Variants in DLG2 observed in about 807,000 individuals in gnomAD.
DLG2 encodes disks large homolog 2.
DLG2 carries 45 observed loss-of-function variants against 132.5 expected under a neutral mutation model. The ratio of observed to expected loss-of-function variants is 0.34; its 90% CI spans 0.27 to 0.44. DLG2 has a LOEUF of 0.44. Ranked by LOEUF, DLG2 falls within the 20% of genes least tolerant of loss-of-function variation. The probability of loss-of-function intolerance (pLI) is 1.00; values close to 1 mark genes in which losing one functional copy is unlikely to be tolerated. For missense variants in DLG2, 1,045 were observed against 1,196.9 expected (o/e 0.87, Z 1.87); for synonymous variants, 424 against 419.6 (o/e 1.01, Z -0.13).
At chr11:84,358,267 A>G (rs1424924120) in intron 7 of DLG2, among the ~76,000 whole-genome samples, 1 of 151,792 alleles carries the variant, frequency 6.6e-6, no homozygotes, top group African/African-American at 2.4e-5. Flanking sequence ...CCTCATTAAG[A>G]CTTGGCATTG....
chr11:85,264,172 A>G (rs1368123800), intron 4 of DLG2, among the ~76,000 whole-genome samples: 1 of 151,774 alleles, frequency 6.6e-6, no homozygotes, highest in African/African-American at 2.4e-5. Flanking sequence ...TCTTATTAGG[A>G]CTCCACAGAG....
At chr11:85,136,921 T>C (rs2076175277) in intron 5 of DLG2, among the ~76,000 whole-genome samples, 3 of 152,144 alleles carry the variant, frequency 2.0e-5, no homozygotes, top group Non-Finnish European at 4.4e-5. Context: ...TATTTTTTGA[T>C]AGTTTTTAAA....
In DLG2 at chr11:84,805,543, C is replaced by T. The variant is rs138124150; in HGVS notation, c.358-270812G>A. Among the ~76,000 whole-genome samples, 335 of 152,292 alleles carry T rather than the reference C, an allele frequency of 2.2e-3. 1 individual carries two copies. Among genetic ancestry groups the T allele is most frequent in the African/African-American group, 7.7e-3 (320 of 41,560 alleles). ...TTTCTTATGAATGACTTAGCACCATCTCTTTGGTGCTGTTCTCATGATAAA... is the reference window on the plus strand; with the variant it reads ...TTTCTTATGAATGACTTAGCACCATTTCTTTGGTGCTGTTCTCATGATAAA... On this transcript the variant is annotated intron_variant, in intron 6 of 27. Coordinates refer to ENST00000376104, the MANE Select transcript of DLG2 (RefSeq NM_001142699.3).
At chr11:85,345,241 T>C (rs748448998) in intron 3 of DLG2, among the ~76,000 whole-genome samples, 40 of 152,148 alleles carry the variant, frequency 2.6e-4, no homozygotes, top group Non-Finnish European at 4.1e-4. Context: ...CTTAGAAAGA[T>C]ATTTACAGTA....
intron 7 of DLG2, among the ~76,000 whole-genome samples, chr11:84,525,596 A>C (rs930427100): frequency 3.9e-5 from 6 of 152,172 alleles, no homozygotes; most frequent in African/African-American, 1.4e-4. Flanking sequence ...ATCTGATGTC[A>C]TACCTTTCCA....
intron 4 of DLG2, among the ~76,000 whole-genome samples, chr11:85,263,529 C>T (rs1451736986): frequency 1.3e-5 from 2 of 152,354 alleles, no homozygotes; most frequent in South Asian, 2.1e-4. Context: ...CTGTTCACCC[C>T]TTGACCTTCA....
intron 6 of DLG2, among the ~76,000 whole-genome samples, chr11:84,808,217 A>G (rs1234673942): frequency 1.3e-5 from 2 of 152,086 alleles, no homozygotes; most frequent in African/African-American, 2.4e-5. Flanking sequence ...ACTAAAAACC[A>G]TACTACTAAA....
intron 3 of DLG2, among the ~76,000 whole-genome samples, chr11:85,476,543 C>T (rs1221342842): frequency 6.6e-6 from 1 of 152,060 alleles, no homozygotes; most frequent in Non-Finnish European, 1.5e-5. Context: ...AAAACACAAA[C>T]ACACATTATA....
chr11:84,550,107 C>T (rs1017861825), intron 6 of DLG2, among the ~76,000 whole-genome samples: 4 of 143,258 alleles, frequency 2.8e-5, no homozygotes, highest in East Asian at 2.1e-4. Context: ...TATTGTAAAA[C>T]GAGCCTATAC....
intron 10 of DLG2, among the ~76,000 whole-genome samples, chr11:84,096,154 T>C (rs1263722303): frequency 6.6e-6 from 1 of 152,184 alleles, no homozygotes; most frequent in Non-Finnish European, 1.5e-5. Context: ...TGGTCAAAGC[T>C]AGCTGGGTGA....
At chr11:83,876,123 T>C (rs889480670) in intron 15 of DLG2, among the ~76,000 whole-genome samples, 2 of 152,196 alleles carry the variant, frequency 1.3e-5, no homozygotes, top group Non-Finnish European at 2.9e-5. Context: ...TATATATTAC[T>C]TAAATCGCTC....
intron 17 of DLG2, among the ~76,000 whole-genome samples, chr11:83,793,109 TTTG>T (rs1230209298): frequency 5.9e-5 from 9 of 152,174 alleles, no homozygotes; most frequent in East Asian, 1.9e-4. Flanking sequence ...TTTTGCTTTT[TTTG>T]TTGTTGTTGT....
intron 14 of DLG2, among the ~76,000 whole-genome samples, chr11:83,950,179 G>C (rs927097993): frequency 6.6e-6 from 1 of 152,190 alleles, no homozygotes; most frequent in African/African-American, 2.4e-5. Context: ...TTTGTAAACT[G>C]AAAGGTATTA....
intron 8 of DLG2, among the ~76,000 whole-genome samples, chr11:84,193,496 G>A (rs2096455507): frequency 6.6e-6 from 1 of 152,172 alleles, no homozygotes; most frequent in South Asian, 2.1e-4. Flanking sequence ...AATAAATAAT[G>A]GAGAAGTGTT....
intron 6 of DLG2, among the ~76,000 whole-genome samples, chr11:84,795,898 G>T (rs940626394): frequency 1.3e-5 from 2 of 152,042 alleles, no homozygotes; most frequent in Admixed American, 1.3e-4. Flanking sequence ...CAGCACGCAC[G>T]CTGACACCTG....
intron 6 of DLG2, among the ~76,000 whole-genome samples, chr11:85,050,458 A>G (rs1593250845): frequency 6.6e-6 from 1 of 152,128 alleles, no homozygotes; most frequent in Non-Finnish European, 1.5e-5. Context: ...TATCACCTCC[A>G]GCTTGAAGTT....
chr11:85,054,814 G>C (rs564299525), intron 6 of DLG2, among the ~76,000 whole-genome samples: 2 of 152,066 alleles, frequency 1.3e-5, no homozygotes, highest in Non-Finnish European at 2.9e-5. Context: ...CTAAAGACTG[G>C]GCACTTGTAG....
chr11:85,581,531 T>C (rs529296544), intron 3 of DLG2, among the ~76,000 whole-genome samples: 5 of 151,798 alleles, frequency 3.3e-5, no homozygotes, highest in Admixed American at 2.0e-4. Flanking sequence ...GGCAGGGGAA[T>C]TGCTTGAACC....
At chr11:84,983,021 G>A (rs1455518707) in intron 6 of DLG2, among the ~76,000 whole-genome samples, 2 of 152,156 alleles carry the variant, frequency 1.3e-5, no homozygotes, top group Non-Finnish European at 1.5e-5. Flanking sequence ...TACAGGCAAG[G>A]ATGTCCACCC....
Sources: allele counts gnomAD v4.1 joint callset (sites outside exome capture counted in the v4.1 genomes callset), GRCh38; gene constraint gnomAD v4.1.1; transcripts MANE v1.5; gene names NCBI Gene and HGNC (gene_info 2026-07-23, HGNC 2026-07-21).